GPD2: variants seen among roughly 807,000 people sequenced by gnomAD.
GPD2 encodes the protein glycerol-3-phosphate dehydrogenase, mitochondrial.
GPD2 carries 54 observed loss-of-function variants against 82.4 expected under a neutral mutation model. That is an observed-to-expected ratio of 0.66 (90% CI 0.53 to 0.82). The LOEUF is 0.82. GPD2 is among the 40% of genes least tolerant of loss of function. GPD2 has a pLI of 0.00. For missense variants in GPD2, 748 were observed against 896.2 expected, an observed-to-expected ratio of 0.83 and a Z score of 2.11; for synonymous variants, 288 against 306.1, an observed-to-expected ratio of 0.94 and a Z score of 0.62.
the GPD2 span, among the ~76,000 whole-genome samples, chr2:156,419,477 GTTC>G: frequency 2.0e-5 from 3 of 152,210 alleles, no homozygotes; most frequent in Admixed American, 1.3e-4. Context: ...CAACATTCCA[GTTC>G]TTCTTTTGTT....
chr2:156,583,041 A>G lies in GPD2; in HGVS notation c.*123A>G. 1 of 1,009,830 alleles carries G rather than the reference A, an allele frequency of 9.9e-7. No individual in the cohort carries two copies. Among genetic ancestry groups the G allele is most frequent in the South Asian group, 1.4e-5 (1 of 73,620 alleles). 62.6% of individuals were successfully genotyped at this position (1,009,830 alleles called of 1,614,324 possible). ...ATAGCTGCCTTTTTTAACACTAGAA[A>G]ACATTCCAAAACTTTAAGGTGTTGG... On this transcript the variant is annotated 3_prime_UTR_variant, in exon 17 of 17. Coordinates refer to ENST00000438166, the MANE Select transcript of GPD2 (RefSeq NM_000408.5).
At chr2:156,412,461 T>G in the GPD2 span, among the ~76,000 whole-genome samples, 15 of 150,564 alleles carry the variant, frequency 1.0e-4, no homozygotes, top group African/African-American at 3.4e-4. Flanking sequence ...AAATACAGGA[T>G]TTGGTCAGAC....
At chr2:156,430,939 A>T (rs1688309681), upstream of GPD2, among the ~76,000 whole-genome samples, 1 of 152,182 alleles carries the variant, frequency 6.6e-6, no homozygotes, top group Non-Finnish European at 1.5e-5. Flanking sequence ...GAAGGAAAAA[A>T]CTTCTTGCTC....
chr2:156,579,872 T>C (rs1687966522), intron 16 of GPD2, 84 bp downstream of exon 16: 1 of 756,096 alleles, frequency 1.3e-6, no homozygotes, highest in South Asian at 1.4e-5. Context: ...AGAATGGATA[T>C]TTAAGTCCAC....
intron 6 of GPD2, among the ~76,000 whole-genome samples, chr2:156,520,047 C>A (rs185212788): frequency 6.6e-6 from 1 of 152,190 alleles, no homozygotes; most frequent in Admixed American, 6.5e-5. Flanking sequence ...TGGAGGTGGC[C>A]CTCAGTGGGA....
At chr2:156,412,015 A>G in the GPD2 span, among the ~76,000 whole-genome samples, 2 of 152,296 alleles carry the variant, frequency 1.3e-5, no homozygotes, top group East Asian at 3.9e-4. Flanking sequence ...TCATTTGAAA[A>G]CACTGAAACC....
At chr2:156,408,468 G>A in the GPD2 span, among the ~76,000 whole-genome samples, 7 of 152,264 alleles carry the variant, frequency 4.6e-5, no homozygotes, top group South Asian at 1.4e-3. Context: ...GCTCTGGCCT[G>A]TGATCCCAGC....
the GPD2 span, among the ~76,000 whole-genome samples, chr2:156,405,271 T>C: frequency 6.6e-6 from 1 of 152,136 alleles, no homozygotes; most frequent in African/African-American, 2.4e-5. Flanking sequence ...AGGGGTGGTG[T>C]AAAGCGCTCA....
At chr2:156,494,618 T>G (rs983662561) in intron 2 of GPD2, among the ~76,000 whole-genome samples, 1 of 152,228 alleles carries the variant, frequency 6.6e-6, no homozygotes, top group African/African-American at 2.4e-5. Flanking sequence ...TTTGGGTGAT[T>G]AGGATAATCT....
At chr2:156,424,834 A>T in the GPD2 span, among the ~76,000 whole-genome samples, 2 of 152,236 alleles carry the variant, frequency 1.3e-5, no homozygotes, top group African/African-American at 4.8e-5. Context: ...GCTTTGTAGA[A>T]GTTACCACTT....
intron 6 of GPD2, among the ~76,000 whole-genome samples, chr2:156,518,509 G>C (rs183441819): frequency 1.3e-3 from 193 of 152,266 alleles, no homozygotes; most frequent in African/African-American, 4.4e-3. Context: ...TGGAATCCAG[G>C]CTCTTTTGTT....
chr2:156,536,730 G>A (rs1444324743), intron 6 of GPD2, among the ~76,000 whole-genome samples: 2 of 152,186 alleles, frequency 1.3e-5, no homozygotes, highest in Admixed American at 1.3e-4. Context: ...TCCAGACCAA[G>A]GAGTGGCAGC....
rs1688193561 is a variant in GPD2 at position 156,585,712 on chromosome 2, A to G, written c.*2794A>G. 6.6e-6 allele frequency: 1 copy of G among 152,476 alleles called. No homozygotes were observed. Among genetic ancestry groups the G allele is most frequent in the African/African-American group, 2.4e-5 (1 of 41,420 alleles). The allele number at this position is 152,476 out of a possible 1,614,324, so 9.4% of individuals were successfully genotyped here. ...TCACTTTTACTAAATATACTGTAGGAGTCATCATTGATGTTATTTTTCTCT... is the reference window on the plus strand; with the variant it reads ...TCACTTTTACTAAATATACTGTAGGGGTCATCATTGATGTTATTTTTCTCT... On this transcript the variant is annotated 3_prime_UTR_variant, in exon 17 of 17. Transcript: ENST00000438166.
intron 13 of GPD2, among the ~76,000 whole-genome samples, chr2:156,573,815 A>C (rs902565580): frequency 3.9e-5 from 6 of 152,140 alleles, no homozygotes; most frequent in African/African-American, 1.4e-4. Context: ...AAAGAATTAA[A>C]AGGTTAGAAA....
At chr2:156,560,597 G>A (rs1687132122) in intron 9 of GPD2, among the ~76,000 whole-genome samples, 1 of 152,110 alleles carries the variant, frequency 6.6e-6, no homozygotes, top group Non-Finnish European at 1.5e-5. Flanking sequence ...AGTTAACAGT[G>A]ATTCTTTATA....
chr2:156,510,993 T>C, intron 4 of GPD2, 73 bp downstream of exon 4: 2 of 1,297,028 alleles, frequency 1.5e-6, no homozygotes. Context: ...TCAGGTTTTT[T>C]TTTCTTTAAT....
chr2:156,526,218 C>T (rs1171762418), intron 6 of GPD2, among the ~76,000 whole-genome samples: 3 of 152,134 alleles, frequency 2.0e-5, no homozygotes, highest in Admixed American at 1.3e-4. Context: ...CAATAAACCA[C>T]ACTTTCAAAT....
intron 9 of GPD2, among the ~76,000 whole-genome samples, chr2:156,562,212 A>G (rs1303773607): frequency 6.6e-6 from 1 of 152,182 alleles, no homozygotes; most frequent in Non-Finnish European, 1.5e-5. Flanking sequence ...CTACTTGTAC[A>G]CAGGTTTTCA....
At chr2:156,501,108 T>A (rs958138719) in intron 3 of GPD2, among the ~76,000 whole-genome samples, 5 of 152,246 alleles carry the variant, frequency 3.3e-5, no homozygotes, top group Middle Eastern at 3.4e-3. Flanking sequence ...GTATCTGGGA[T>A]TATCTAGTAC....
Sources: allele counts gnomAD v4.1 joint callset (sites outside exome capture counted in the v4.1 genomes callset), GRCh38; gene constraint gnomAD v4.1.1; transcripts MANE v1.5; gene names NCBI Gene and HGNC (gene_info 2026-07-23, HGNC 2026-07-21).